The following REDIC1 variants were observed in gnomAD, a reference collection of about 807,000 sequenced individuals.
The protein encoded by REDIC1 is HEI10 Interacting Protein 1.
chr12:39,711,849 GCATGTGTATGTGTATACACGTA>G, the REDIC1 span, among the ~76,000 whole-genome samples: 1 of 76,546 alleles, frequency 1.3e-5, no homozygotes, highest in Admixed American at 1.1e-4. Context: ...GTATACACAT[GCATGTGTATGTGTATACACGTA>G]TACACATGCA....
chr12:39,907,044 C>T, the REDIC1 span, among the ~76,000 whole-genome samples: 2 of 151,988 alleles, frequency 1.3e-5, no homozygotes, highest in Admixed American at 1.3e-4. Flanking sequence ...GCAAATTAAC[C>T]CATAAATCAA....
At chr12:39,727,388 C>G in the REDIC1 span, among the ~76,000 whole-genome samples, 1 of 152,130 alleles carries the variant, frequency 6.6e-6, no homozygotes, top group African/African-American at 2.4e-5. Flanking sequence ...GTTTTCACAA[C>G]AGCATTTATT....
At chr12:39,770,603 G>GT in the REDIC1 span, among the ~76,000 whole-genome samples, 2 of 152,154 alleles carry the variant, frequency 1.3e-5, no homozygotes, top group African/African-American at 4.8e-5. Flanking sequence ...TGGGCTGTTG[G>GT]GAACATTAAA....
the REDIC1 span, among the ~76,000 whole-genome samples, chr12:39,747,791 G>T: frequency 2.0e-5 from 3 of 152,254 alleles, no homozygotes; most frequent in South Asian, 4.1e-4. Flanking sequence ...TTAAAGAAAA[G>T]AATTTTCAAC....
At chr12:39,872,117 G>C in the REDIC1 span, among the ~76,000 whole-genome samples, 1 of 152,136 alleles carries the variant, frequency 6.6e-6, no homozygotes, top group Non-Finnish European at 1.5e-5. Flanking sequence ...CTGTTGAAAA[G>C]ATCACAATAT....
chr12:39,759,968 A>G, the REDIC1 span: 1 of 1,348,430 alleles, frequency 7.4e-7, no homozygotes, highest in South Asian at 1.2e-5. Flanking sequence ...GAAGTCACCA[A>G]TTGCTGTTCT....
At chr12:39,831,701 G>A in the REDIC1 span, among the ~76,000 whole-genome samples, 1 of 152,026 alleles carries the variant, frequency 6.6e-6, no homozygotes, top group African/African-American at 2.4e-5. Flanking sequence ...CATCCCCTTG[G>A]TGATGAGTGA....
At chr12:39,771,419 TTTG>T in the REDIC1 span, among the ~76,000 whole-genome samples, 3 of 152,116 alleles carry the variant, frequency 2.0e-5, no homozygotes, top group South Asian at 6.3e-4. Context: ...TGCTGGGAGA[TTTG>T]TGGAAGGAAC....
At chr12:39,827,726 T>C in the REDIC1 span, among the ~76,000 whole-genome samples, 46 of 152,256 alleles carry the variant, frequency 3.0e-4, no homozygotes, top group East Asian at 5.0e-3. Flanking sequence ...AACATAGATA[T>C]AGAAAACCAT....
chr12:39,733,536 C>T, the REDIC1 span, among the ~76,000 whole-genome samples: 1 of 151,042 alleles, frequency 6.6e-6, no homozygotes, highest in African/African-American at 2.4e-5. Flanking sequence ...TATTATCATA[C>T]TTTAAGTTTT....
At chr12:39,712,073 CCGGTATGTATATATACATACATATA>C in the REDIC1 span, among the ~76,000 whole-genome samples, 2 of 46,946 alleles carry the variant, frequency 4.3e-5, no homozygotes, top group Non-Finnish European at 1.0e-4. Context: ...TGTATATATA[CCGGTATGTATATATACATACATATA>C]TACCTGTATA....
At chr12:39,680,444 C>T in the REDIC1 span, among the ~76,000 whole-genome samples, 1 of 152,046 alleles carries the variant, frequency 6.6e-6, no homozygotes, top group Non-Finnish European at 1.5e-5. Context: ...CTTACTCCTA[C>T]AAGAATGGTC....
the REDIC1 span, among the ~76,000 whole-genome samples, chr12:39,882,943 T>C: frequency 6.6e-6 from 1 of 152,224 alleles, no homozygotes; most frequent in Non-Finnish European, 1.5e-5. Context: ...AGTCTATGTG[T>C]GTTTCACTCT....
chr12:39,858,838 C>T, the REDIC1 span, among the ~76,000 whole-genome samples: 1 of 152,160 alleles, frequency 6.6e-6, no homozygotes. Context: ...GAACTCCTGA[C>T]CTCATGATCC....
chr12:39,707,711 G>A, the REDIC1 span, among the ~76,000 whole-genome samples: 1 of 151,806 alleles, frequency 6.6e-6, no homozygotes, highest in Admixed American at 6.6e-5. Flanking sequence ...GTTTTATAAT[G>A]TTTAATTTCT....
chr12:39,832,358 C>T, the REDIC1 span, among the ~76,000 whole-genome samples: 7 of 152,138 alleles, frequency 4.6e-5, no homozygotes, highest in African/African-American at 1.7e-4. Flanking sequence ...AAGGTCAACT[C>T]ACTCATTTGC....
chr12:39,904,606 C>G, the REDIC1 span, among the ~76,000 whole-genome samples: 1 of 152,092 alleles, frequency 6.6e-6, no homozygotes, highest in Non-Finnish European at 1.5e-5. Flanking sequence ...GATATCCACA[C>G]AGATGTTGCA....
At chr12:39,638,891 G>T in the REDIC1 span, among the ~76,000 whole-genome samples, 8 of 151,934 alleles carry the variant, frequency 5.3e-5, no homozygotes, top group African/African-American at 1.9e-4. Flanking sequence ...CTGGATAAGA[G>T]AAAATCAGCC....
chr12:39,864,951 A>C, the REDIC1 span: 4 of 1,416,234 alleles, frequency 2.8e-6, no homozygotes, highest in Non-Finnish European at 3.8e-6. Flanking sequence ...TGGGTTTGGT[A>C]AAAACAAACC....
Sources: allele counts gnomAD v4.1 joint callset (sites outside exome capture counted in the v4.1 genomes callset), GRCh38; gene constraint gnomAD v4.1.1; transcripts MANE v1.5; gene names NCBI Gene and HGNC (gene_info 2026-07-23, HGNC 2026-07-21).